Variants in APRT observed in about 807,000 individuals in gnomAD.
The protein encoded by APRT is adenine phosphoribosyltransferase.
Under a neutral mutation model 21.0 loss-of-function variants are expected in APRT, and 25 were observed. The observed-to-expected ratio is 1.19, with a 90% CI of 0.87 to 1.66. The LOEUF (loss-of-function observed/expected upper bound fraction) is 1.66. APRT is among the 40% of genes most tolerant of loss of function. The pLI is 0.00. For missense variants in APRT, 294 were observed against 232.7 expected, an observed-to-expected ratio of 1.26 and a Z score of -1.72; for synonymous variants, 153 against 109.0, an observed-to-expected ratio of 1.40 and a Z score of -2.52.
intron 4 of APRT, 101 bp from the exon 5 acceptor site, chr16:88,809,941 A>G (rs766563862): frequency 6.3e-7 from 1 of 1,575,632 alleles, no homozygotes; most frequent in Non-Finnish European, 8.7e-7. Flanking sequence ...GGGGAGAGGA[A>G]GGTGTCGGCC....
rs1280720006 is a variant in APRT, at chr16:88,811,662, C to T, written c.81-6G>A. 1.9e-6 allele frequency: 3 copies of T among 1,581,296 alleles called. No individual in the cohort carries two copies. Among genetic ancestry groups the T allele is most frequent in the East Asian group, 2.3e-5 (1 of 43,258 alleles). On this transcript the variant is annotated splice_region_variant and splice_polypyrimidine_tract_variant and intron_variant, in intron 1 of 4. Coordinates refer to ENST00000378364, the MANE Select transcript of APRT (RefSeq NM_000485.3). ...TCAGGACGGGCGAGATGTCCCTGGACCCAAGGACAGGCCTGGTGACGCCGG... is the reference window on the plus strand; with the variant it reads ...TCAGGACGGGCGAGATGTCCCTGGATCCAAGGACAGGCCTGGTGACGCCGG...
In APRT at chr16:88,811,891, G is replaced by A. The variant is rs752381175; in HGVS notation, c.9C>T (p.Asp3=). 6.4e-7 allele frequency: 1 copy of A among 1,555,256 alleles called. No homozygotes were observed. The highest frequency in any genetic ancestry group is 1.2e-5 in the South Asian group (1 of 84,532). MA[D]SELQLVEQRI... is the part of the protein sequence containing the mutation. Reference sequence around the variant, plus strand: ...GCTGCTCAACCAGCTGCAGCTCGGAGTCGGCCATGGCCGCGTGCGAAGAGC... The same window carrying A: ...GCTGCTCAACCAGCTGCAGCTCGGAATCGGCCATGGCCGCGTGCGAAGAGC... Residue 3 remains aspartate, a synonymous_variant, in exon 1 of 5, where the codon GAC becomes GAT. Transcript: ENST00000378364.
At position 88,810,069 on chromosome 16, in the gene APRT, C is replaced by T. The variant is rs1317695590; in HGVS notation, c.400+1G>A. ...GCAGTTGGCTGCGGGGAGACCCTTA[C>T]CACCAGTGGCCAGCAGATCATCCAC... On this transcript the variant is annotated splice_donor_variant, in intron 4 of 4. Coordinates refer to ENST00000378364, the MANE Select transcript of APRT (RefSeq NM_000485.3). LOFTEE classifies it high-confidence loss of function. 3.7e-6 allele frequency: 6 copies of T among 1,612,964 alleles called. No homozygotes were observed. The East Asian group carries it at 1.1e-4, about 30-fold the overall frequency.
Position 88,809,356 on chromosome 16 carries a change from A to G in APRT, c.*342T>C. On this transcript the variant is annotated 3_prime_UTR_variant, in exon 5 of 5. Coordinates refer to ENST00000378364, the MANE Select transcript of APRT (RefSeq NM_000485.3). ...GGTTCTAGCTCCTGAGGTGAGAACC[A>G]GGACAGGTTCTGCTGGGCATCACGC... The G allele has an allele frequency of 2.1e-6, 1 of 473,912 alleles. No homozygotes were observed. Among genetic ancestry groups the G allele is most frequent in the South Asian group, 1.6e-5 (1 of 62,132 alleles). The allele number at this position is 473,912 out of a possible 1,614,324, so 29.4% of individuals were successfully genotyped here.
intron 2 of APRT, chr16:88,811,312 T>C: frequency 1.8e-6 from 1 of 565,526 alleles, no homozygotes; most frequent in Non-Finnish European, 3.1e-6. Context: ...ACCCGGCAAC[T>C]CGGTCACGCC....
chr16:88,810,243 C>T (rs545344274), intron 3 of APRT, 95 bp from the exon 4 acceptor site: 4 of 1,523,074 alleles, frequency 2.6e-6, no homozygotes, highest in South Asian at 1.1e-5. Context: ...TGACTCCAAC[C>T]CCACCTTGCT....
At chr16:88,810,906 A>C (rs1174748744) in intron 2 of APRT, among the ~76,000 whole-genome samples, 2 of 152,154 alleles carry the variant, frequency 1.3e-5, no homozygotes, top group South Asian at 2.1e-4. Flanking sequence ...GAGTCTCTCG[A>C]GGTGGCCTGA....
At chr16:88,810,617 G>A in intron 2 of APRT, 61 bp from the exon 3 acceptor site, 3 of 1,588,416 alleles carry the variant, frequency 1.9e-6, no homozygotes, top group Middle Eastern at 1.7e-4. Flanking sequence ...GCCAGGGTTG[G>A]CCGGTGGCAA....
chr16:88,811,322 C>G (rs1244621377), intron 2 of APRT: 7 of 581,090 alleles, frequency 1.2e-5, no homozygotes, highest in Non-Finnish European at 2.1e-5. Flanking sequence ...TCGGTCACGC[C>G]TGTCCTGGGC....
rs1390381245 is a variant in APRT at position 88,810,756 on chromosome 16, T to TC, written c.188-201dup. On this transcript the variant is annotated intron_variant, in intron 2 of 4. Coordinates refer to ENST00000378364, the MANE Select transcript of APRT (RefSeq NM_000485.3). ...TGGGTCTGTCTTTTAAGGGACCACT[T>TC]CTTAGCTGTGTGTTCCTAGGGGAGT... Among the ~76,000 whole-genome samples the TC allele has an allele frequency of 7.9e-5, 12 of 152,270 alleles. No homozygotes were observed. The South Asian group carries it at 1.7e-3, about 21-fold the overall frequency.
rs1447120655 is a variant in APRT, at chr16:88,809,445, G to C, written c.*253C>G. The C allele has an allele frequency of 1.6e-6, 1 of 626,456 alleles. No individual in the cohort carries two copies. Among genetic ancestry groups the C allele is most frequent in the Non-Finnish European group, 2.9e-6 (1 of 340,942 alleles). 38.8% of individuals were successfully genotyped at this position (626,456 alleles called of 1,614,324 possible). Reference sequence around the variant, plus strand: ...TTGTCCTGGGGCTCCCTGCCCTGGGGAACAGGAGGACAGGAGACGGCTCTT... The same window carrying C: ...TTGTCCTGGGGCTCCCTGCCCTGGGCAACAGGAGGACAGGAGACGGCTCTT... On this transcript the variant is annotated 3_prime_UTR_variant, in exon 5 of 5. Coordinates refer to ENST00000378364, the MANE Select transcript of APRT (RefSeq NM_000485.3).
rs551418842 is a variant in APRT, at chr16:88,810,443, A to G, written c.301T>C (p.Tyr101His). Reference sequence around the variant, plus strand: ...CTTACCTTCCCGTACTCCAGGGAATAGGAGGCCCACAGAGTGGGGCCTGGC... The same window carrying G: ...CTTACCTTCCCGTACTCCAGGGAATGGGAGGCCCACAGAGTGGGGCCTGGC... ...KLPGPTLWAS[Y>H]SLEYGKAELE... The change falls in exon 3 of 5, where the codon TAT becomes CAT. Residue 101 changes from tyrosine (Y) to histidine (H), a missense_variant. Transcript: ENST00000378364. 95 of 1,612,218 alleles carry G rather than the reference A, an allele frequency of 5.9e-5. No homozygotes were observed. The South Asian group carries it at 1.0e-3, about 17-fold the overall frequency.
At chr16:88,810,905 G>C (rs8191483) in intron 2 of APRT, among the ~76,000 whole-genome samples, 32,576 of 152,048 alleles carry the variant, frequency 0.21, 4,025 homozygotes, top group East Asian at 0.54. Flanking sequence ...GGAGTCTCTC[G>C]AGGTGGCCTG....
At chr16:88,810,289 C>A (rs755069470) in intron 3 of APRT, 134 bp downstream of exon 3, 260 of 1,508,802 alleles carry the variant, frequency 1.7e-4, no homozygotes, top group Non-Finnish European at 2.3e-4. Context: ...TATGTCTCAA[C>A]CTCTCTGAGC....
In APRT at chr16:88,810,435, C is replaced by T; in HGVS notation, c.309G>A (p.Leu103=). 7 of 1,612,130 alleles carry T rather than the reference C, an allele frequency of 4.3e-6. No individual in the cohort carries two copies. The highest frequency in any genetic ancestry group is 5.9e-6 in the Non-Finnish European group (7 of 1,180,016). Residue 103 remains leucine, a synonymous_variant, in exon 3 of 5, where the codon CTG becomes CTA. Transcript: ENST00000378364. ...CCAGCCCTCTTACCTTCCCGTACTC[C>T]AGGGAATAGGAGGCCCACAGAGTGG... The part of the protein sequence containing the change: ...PGPTLWASYS[L]EYGKAELEIQ...
Position 88,809,540 on chromosome 16 carries a change from G to A in APRT, c.*158C>T, listed in dbSNP as rs1436023325. 8.4e-7 allele frequency: 1 copy of A among 1,185,302 alleles called. No individual in the cohort carries two copies. The highest frequency in any genetic ancestry group is 1.2e-6 in the Non-Finnish European group (1 of 818,834). The allele number at this position is 1,185,302 out of a possible 1,614,324, so 73.4% of individuals were successfully genotyped here. A position where few individuals can be genotyped will look rare whatever the true frequency, so the allele number is the denominator to read the frequency against. Reference sequence around the variant, plus strand: ...TTCAGTGTGGCTGAAACACAGCTTTGCCCCAGGCTTTGGCACTTCCAGCCC... The same window carrying A: ...TTCAGTGTGGCTGAAACACAGCTTTACCCCAGGCTTTGGCACTTCCAGCCC... On this transcript the variant is annotated 3_prime_UTR_variant, in exon 5 of 5. Transcript: ENST00000378364.
At chr16:88,809,964 A>G in intron 4 of APRT, 106 bp downstream of exon 4, 1 of 1,563,342 alleles carries the variant, frequency 6.4e-7, no homozygotes, top group Non-Finnish European at 8.8e-7. Flanking sequence ...GCCACCAGGC[A>G]CCCTCTGGAC....
In APRT at chr16:88,811,807, C is replaced by A. The variant is rs770312746; in HGVS notation, c.80+13G>T. 3.9e-6 allele frequency: 6 copies of A among 1,556,364 alleles called. No homozygotes were observed. The highest frequency in any genetic ancestry group is 5.2e-6 in the Non-Finnish European group (6 of 1,151,872). On this transcript the variant is annotated intron_variant, in intron 1 of 4. Transcript: ENST00000378364. ...GCAGGTCGGGGCGCCACGAGGGCGG[C>A]CTGTGCGTGCACCTGAATACCACGC...
intron 2 of APRT, 194 bp downstream of exon 2, chr16:88,811,356 G>T: frequency 1.6e-6 from 1 of 615,710 alleles, no homozygotes; most frequent in Non-Finnish European, 2.8e-6. Flanking sequence ...CCTGCGGGAA[G>T]GACGCCTGCA....
Sources: gnomAD v4.1 joint callset for allele counts (sites outside exome capture counted in the v4.1 genomes callset) on GRCh38, gnomAD v4.1.1 for gene constraint, MANE v1.5 for transcripts, NCBI Gene and HGNC (gene_info 2026-07-23, HGNC 2026-07-21) for gene names.